GFOD1: variants seen among roughly 807,000 people sequenced by gnomAD.
GFOD1 encodes Gfo/Idh/MocA-like oxidoreductase domain containing 1.
Under a neutral mutation model 25.4 loss-of-function variants are expected in GFOD1, and 9 were observed. The observed-to-expected ratio is 0.35, with a 90% confidence interval of 0.21 to 0.62. GFOD1 has a LOEUF of 0.62. Among genes scored for constraint, GFOD1 ranks in the 20% least tolerant of loss-of-function variants. GFOD1 has a pLI of 0.72. For missense variants in GFOD1, 403 were observed against 556.9 expected (o/e 0.72, Z 2.78); for synonymous variants, 253 against 245.6 (o/e 1.03, Z -0.28).
At chr6:13,382,347 TG>T (rs57799706) in intron 1 of GFOD1, among the ~76,000 whole-genome samples, 95,546 of 143,616 alleles carry the variant, frequency 0.67, 31,552 homozygotes, top group Middle Eastern at 0.77. Context: ...AATTGAATCA[TG>T]GGGGGGGGGG....
intron 1 of GFOD1, among the ~76,000 whole-genome samples, chr6:13,414,869 T>C (rs1396608433): frequency 5.3e-4 from 81 of 152,308 alleles, no homozygotes; most frequent in Non-Finnish European, 7.4e-5. Context: ...TAGAATCCTA[T>C]GAACATGGCA....
chr6:13,369,523 G>A lies in GFOD1; in HGVS notation c.254-3861C>T, dbSNP rs551668149. Among the ~76,000 whole-genome samples, 7 of 152,194 alleles carry A rather than the reference G, an allele frequency of 4.6e-5. No homozygotes were observed. The East Asian group carries it at 9.7e-4, about 21-fold the overall frequency. Reference sequence around the variant, plus strand: ...TCCCATTTCTTAAAAAAAGCCAGGCGTGGTGATGCATGCCTGTAGTCCCAG... The same window carrying A: ...TCCCATTTCTTAAAAAAAGCCAGGCATGGTGATGCATGCCTGTAGTCCCAG... On this transcript the variant is annotated intron_variant, in intron 1 of 1. Transcript: ENST00000379287.
At chr6:13,467,312 T>C (rs907962313) in intron 1 of GFOD1, among the ~76,000 whole-genome samples, 3 of 152,286 alleles carry the variant, frequency 2.0e-5, no homozygotes, top group South Asian at 4.1e-4. Context: ...GCCTGTGTTA[T>C]ATAGGTAACG....
At chr6:13,391,025 C>T (rs1785594500) in intron 1 of GFOD1, among the ~76,000 whole-genome samples, 1 of 152,150 alleles carries the variant, frequency 6.6e-6, no homozygotes, top group South Asian at 2.1e-4. Flanking sequence ...GCGCAAAGAC[C>T]ATCTCCAATA....
chr6:13,454,262 C>T (rs1249170678), intron 1 of GFOD1, among the ~76,000 whole-genome samples: 1 of 152,160 alleles, frequency 6.6e-6, no homozygotes, highest in Non-Finnish European at 1.5e-5. Flanking sequence ...CTCCAGCTTC[C>T]AGCCTCCAGA....
At chr6:13,423,571 CG>C (rs1562214596) in intron 1 of GFOD1, among the ~76,000 whole-genome samples, 1 of 152,190 alleles carries the variant, frequency 6.6e-6, no homozygotes, top group East Asian at 1.9e-4. Context: ...CCATGAGTGT[CG>C]CAGGTTGCCC....
intron 1 of GFOD1, among the ~76,000 whole-genome samples, chr6:13,447,887 C>T (rs372962238): frequency 1.1e-4 from 17 of 151,306 alleles, no homozygotes; most frequent in African/African-American, 3.9e-4. Context: ...GAAAGAGGCA[C>T]AGAGGGCTGA....
At chr6:13,447,605 G>A (rs1003619150) in intron 1 of GFOD1, among the ~76,000 whole-genome samples, 1 of 151,786 alleles carries the variant, frequency 6.6e-6, no homozygotes, top group African/African-American at 2.4e-5. Flanking sequence ...GCCAGGCATG[G>A]TAGTGGGCAC....
At position 13,435,411 on chromosome 6, in the gene GFOD1, G is replaced by A. The variant is rs142274852; in HGVS notation, c.253+51227C>T. Among the ~76,000 whole-genome samples the A allele has an allele frequency of 4.5e-3, 682 of 152,112 alleles. 5 individuals carry two copies. The highest frequency in any genetic ancestry group is 0.016 in the African/African-American group (654 of 41,488). ...TACTCACGAACTACTTCAGACCCCTGGCATATGCTCTTATTTCTCTTTCAT... is the reference window on the plus strand; with the variant it reads ...TACTCACGAACTACTTCAGACCCCTAGCATATGCTCTTATTTCTCTTTCAT... On this transcript the variant is annotated intron_variant, in intron 1 of 1. Coordinates refer to ENST00000379287, the MANE Select transcript of GFOD1 (RefSeq NM_018988.4).
intron 1 of GFOD1, among the ~76,000 whole-genome samples, chr6:13,392,761 G>T (rs954624611): frequency 4.6e-5 from 7 of 152,036 alleles, no homozygotes; most frequent in African/African-American, 1.7e-4. Context: ...CAGAGAAGAA[G>T]AGAAATAAGA....
intron 1 of GFOD1, among the ~76,000 whole-genome samples, chr6:13,437,201 C>G (rs887832353): frequency 1.3e-5 from 2 of 152,298 alleles, no homozygotes; most frequent in East Asian, 3.9e-4. Context: ...CAATACCCAA[C>G]CTGGTATTGG....
At position 13,486,952 on chromosome 6, in the gene GFOD1, C is replaced by T; in HGVS notation, c.-62G>A. The T allele has an allele frequency of 6.4e-7, 1 of 1,563,752 alleles. No individual in the cohort carries two copies. Among genetic ancestry groups the T allele is most frequent in the South Asian group, 1.2e-5 (1 of 84,692 alleles). On this transcript the variant is annotated 5_prime_UTR_variant, in exon 1 of 2. The change creates a new upstream start codon in the 5' untranslated region. Transcript: ENST00000379287. ...ATCTCCAGTCCAACGCGCGCACACA[C>T]CCACCTCTAGCCAGTCCTGCACCCC...
At chr6:13,426,004 T>TG (rs1217741995) in intron 1 of GFOD1, among the ~76,000 whole-genome samples, 3 of 152,234 alleles carry the variant, frequency 2.0e-5, no homozygotes, top group Non-Finnish European at 4.4e-5. Flanking sequence ...TGGACAAGCT[T>TG]GGTCTTCCGC....
chr6:13,417,207 G>A (rs1786176964), intron 1 of GFOD1, among the ~76,000 whole-genome samples: 1 of 152,218 alleles, frequency 6.6e-6, no homozygotes, highest in South Asian at 2.1e-4. Flanking sequence ...AGGCTGGAGT[G>A]CAGTGGCGCG....
At chr6:13,475,338 C>G (rs1383726905) in intron 1 of GFOD1, among the ~76,000 whole-genome samples, 1 of 152,156 alleles carries the variant, frequency 6.6e-6, no homozygotes, top group Non-Finnish European at 1.5e-5. Context: ...CTTTGGGAGG[C>G]TGAGGTGGGC....
intron 1 of GFOD1, among the ~76,000 whole-genome samples, chr6:13,480,335 C>G (rs1232817417): frequency 6.6e-6 from 1 of 152,218 alleles, no homozygotes; most frequent in Admixed American, 6.5e-5. Flanking sequence ...TCATCACATT[C>G]CACACAAGGC....
At chr6:13,374,271 TTTTGTG>T (rs1785210002) in intron 1 of GFOD1, among the ~76,000 whole-genome samples, 2 of 134,412 alleles carry the variant, frequency 1.5e-5, no homozygotes, top group African/African-American at 5.9e-5. Flanking sequence ...TATGTTTTTT[TTTTGTG>T]TGTGTGTGTG....
At chr6:13,417,723 G>A (rs1786186006) in intron 1 of GFOD1, among the ~76,000 whole-genome samples, 1 of 152,214 alleles carries the variant, frequency 6.6e-6, no homozygotes, top group Admixed American at 6.5e-5. Context: ...CCCAGGAATG[G>A]CTTCTCGTAA....
intron 1 of GFOD1, among the ~76,000 whole-genome samples, chr6:13,468,724 C>T (rs1487805420): frequency 6.6e-6 from 1 of 152,144 alleles, no homozygotes; most frequent in East Asian, 1.9e-4. Context: ...TCCAGCCTGT[C>T]CTGGGTGTTC....
Sources: gnomAD v4.1 joint callset for allele counts (sites outside exome capture counted in the v4.1 genomes callset) on GRCh38, gnomAD v4.1.1 for gene constraint, MANE v1.5 for transcripts, NCBI Gene and HGNC (gene_info 2026-07-23, HGNC 2026-07-21) for gene names.